Variants in CSNK1D observed in about 807,000 individuals in gnomAD.
CSNK1D encodes the protein casein kinase 1 delta.
In CSNK1D, 16 loss-of-function variants were observed where a neutral mutation model predicts 46.6. That is an observed-to-expected ratio of 0.34 (90% CI 0.23 to 0.52). The LOEUF (loss-of-function observed/expected upper bound fraction) is 0.52. Among genes scored for constraint, CSNK1D ranks in the 20% least tolerant of loss-of-function variants. CSNK1D has a pLI of 0.95. For missense variants in CSNK1D, 398 were observed against 578.4 expected (o/e 0.69, Z 3.20); for synonymous variants, 276 against 228.2 (o/e 1.21, Z -1.89).
At position 82,255,869 on chromosome 17, in the gene CSNK1D, A is replaced by AG. The variant is rs1270550447; in HGVS notation, c.188-293dup. Among the ~76,000 whole-genome samples the AG allele has an allele frequency of 1.3e-5, 2 of 152,210 alleles. No homozygotes were observed. The highest frequency in any genetic ancestry group is 2.9e-5 in the Non-Finnish European group (2 of 68,030). On this transcript the variant is annotated intron_variant, in intron 2 of 8. Coordinates refer to ENST00000314028, the MANE Select transcript of CSNK1D (RefSeq NM_001893.6). This position sits in a 1 kb window ranked among gnomAD's most constrained non-coding sequence, Gnocchi z 5.9. ...CTCCCCGACTCCCGTCTTCTAGGGCAGGGGGGCAGGAGACACAGAAAGCAG... is the reference window on the plus strand; with the variant it reads ...CTCCCCGACTCCCGTCTTCTAGGGCAGGGGGGGCAGGAGACACAGAAAGCAG...
Position 82,251,154 on chromosome 17 carries a change from TC to T in CSNK1D, c.885+224del. ...CCTCCTGCTGTCCACACCCAGGAAT[TC>T]CATGGACCCCTCTGCGTTCCCTAAT... On this transcript the variant is annotated intron_variant, in intron 6 of 8. Coordinates refer to ENST00000314028, the MANE Select transcript of CSNK1D (RefSeq NM_001893.6). This position sits in a 1 kb window ranked among gnomAD's most constrained non-coding sequence, Gnocchi z 4.5. 1.8e-6 allele frequency: 1 copy of T among 549,186 alleles called. No homozygotes were observed. Among genetic ancestry groups the T allele is most frequent in the East Asian group, 3.2e-5 (1 of 30,832 alleles). 34.0% of individuals were successfully genotyped at this position (549,186 alleles called of 1,614,324 possible).
chr17:82,264,657 C>A (rs972828119), intron 2 of CSNK1D, among the ~76,000 whole-genome samples: 2 of 152,104 alleles, frequency 1.3e-5, no homozygotes, highest in East Asian at 3.9e-4. Context: ...GCAAAGCATG[C>A]GAAGGAGCAG....
At chr17:82,271,437 C>T (rs1394934101) in intron 1 of CSNK1D, among the ~76,000 whole-genome samples, 1 of 152,188 alleles carries the variant, frequency 6.6e-6, no homozygotes, top group South Asian at 2.1e-4. Context: ...TAACTCAGAT[C>T]CTGGGGTTAA....
rs201293847 is a variant in CSNK1D, at chr17:82,248,840, G to T, written c.1197+35C>A. 1.4e-5 allele frequency: 22 copies of T among 1,598,338 alleles called. No homozygotes were observed. Among genetic ancestry groups the T allele is most frequent in the Non-Finnish European group, 1.9e-5 (22 of 1,172,140 alleles). On this transcript the variant is annotated intron_variant, in intron 8 of 8. Transcript: ENST00000314028. The surrounding 1 kb of genome is among the most constrained non-coding windows in gnomAD (Gnocchi z 4.1). The stretch of plus-strand genomic sequence containing the variant: ...GCTCTTGACTCGGACGGGGTAGCCC[G>T]AGGCCCAGCGCCCGCCCGGGAGCTC...
At chr17:82,245,831 C>A in intron 8 of CSNK1D, 1 of 851,554 alleles carries the variant, frequency 1.2e-6, no homozygotes, top group Non-Finnish European at 1.9e-6. Context: ...CTGCACCCCA[C>A]AAGAAGAACA....
At position 82,244,315 on chromosome 17, in the gene CSNK1D, T is replaced by C; in HGVS notation, c.*466A>G. 1 of 1,100,680 alleles carries C rather than the reference T, an allele frequency of 9.1e-7. No individual in the cohort carries two copies. Among genetic ancestry groups the C allele is most frequent in the Non-Finnish European group, 1.1e-6 (1 of 896,102 alleles). 68.2% of individuals were successfully genotyped at this position (1,100,680 alleles called of 1,614,324 possible). A position where few individuals can be genotyped will look rare whatever the true frequency, so the allele number is the denominator to read the frequency against. On this transcript the variant is annotated 3_prime_UTR_variant, in exon 9 of 9. Coordinates refer to ENST00000314028, the MANE Select transcript of CSNK1D (RefSeq NM_001893.6). ...GTCTCAGAATTCCTTAGTCAACATT[T>C]TTTTTGTAAGACTGCAAAAACAGAC...
At chr17:82,258,100 G>A (rs953096380) in intron 2 of CSNK1D, among the ~76,000 whole-genome samples, 9 of 151,444 alleles carry the variant, frequency 5.9e-5, no homozygotes, top group South Asian at 2.1e-4. Flanking sequence ...CCAGCTACTC[G>A]GGAGGCTAAG....
chr17:82,269,230 G>T (rs760786547), intron 1 of CSNK1D, among the ~76,000 whole-genome samples: 1 of 151,742 alleles, frequency 6.6e-6, no homozygotes, highest in Non-Finnish European at 1.5e-5. Context: ...GGATTGTCTT[G>T]TCAACAAAAA....
chr17:82,245,433 T>C, intron 8 of CSNK1D: 1 of 203,384 alleles, frequency 4.9e-6, no homozygotes, highest in Non-Finnish European at 1.0e-5. Context: ...AGACCAAGTG[T>C]GAAAAGAAAC....
intron 1 of CSNK1D, among the ~76,000 whole-genome samples, chr17:82,267,452 T>C (rs556675549): frequency 2.6e-5 from 4 of 152,216 alleles, no homozygotes; most frequent in Admixed American, 2.0e-4. Context: ...GATGTGCCAC[T>C]TCCAGCCTGG....
rs1250823836 is a variant in CSNK1D at position 82,255,792 on chromosome 17, G to A, written c.188-215C>T. Among the ~76,000 whole-genome samples, 1 of 152,206 alleles carries A rather than the reference G, an allele frequency of 6.6e-6. No homozygotes were observed. Among genetic ancestry groups the A allele is most frequent in the Non-Finnish European group, 1.5e-5 (1 of 68,030 alleles). The stretch of plus-strand genomic sequence containing the variant: ...TGGCCTGAGGCAGACGTTGGATGAG[G>A]GCCAAGCAGACAGGAGCTGTAAGGG... On this transcript the variant is annotated intron_variant, in intron 2 of 8. Transcript: ENST00000314028. The surrounding 1 kb of genome is among the most constrained non-coding windows in gnomAD (Gnocchi z 5.9).
chr17:82,240,186 T>C, downstream of CSNK1D: 2 of 695,168 alleles, frequency 2.9e-6, no homozygotes, highest in Non-Finnish European at 4.0e-6. Flanking sequence ...CTCAGGGCTG[T>C]GGAGGCCTCT....
chr17:82,249,632 G>A lies in CSNK1D; in HGVS notation c.886-30C>T. ...GGAGGCAGGAGGTGAGGCCGGAATGGAACCAGCTTTGGCAGAAAGCAACCC... is the reference window on the plus strand; with the variant it reads ...GGAGGCAGGAGGTGAGGCCGGAATGAAACCAGCTTTGGCAGAAAGCAACCC... On this transcript the variant is annotated intron_variant, in intron 6 of 8. Coordinates refer to ENST00000314028, the MANE Select transcript of CSNK1D (RefSeq NM_001893.6). This position sits in a 1 kb window ranked among gnomAD's most constrained non-coding sequence, Gnocchi z 6.7. 1 of 1,554,326 alleles carries A rather than the reference G, an allele frequency of 6.4e-7. No homozygotes were observed. The highest frequency in any genetic ancestry group is 1.3e-5 in the African/African-American group (1 of 74,308).
downstream of CSNK1D, among the ~76,000 whole-genome samples, chr17:82,240,693 A>G (rs1451199267): frequency 6.6e-6 from 1 of 152,218 alleles, no homozygotes; most frequent in African/African-American, 2.4e-5. Flanking sequence ...CAAAGTAGCC[A>G]GGCAGTGCTG....
chr17:82,268,025 C>T (rs1184148344), intron 1 of CSNK1D, among the ~76,000 whole-genome samples: 1 of 152,268 alleles, frequency 6.6e-6, no homozygotes, highest in Non-Finnish European at 1.5e-5. Context: ...TATCATGGGG[C>T]CGGGACCTCT....
chr17:82,243,014 AG>A lies in CSNK1D; in HGVS notation c.*1766del, dbSNP rs1157569917. 2.0e-6 allele frequency: 2 copies of A among 985,326 alleles called. No individual in the cohort carries two copies. The highest frequency in any genetic ancestry group is 4.7e-5 in the South Asian group (1 of 21,296). 61.0% of individuals were successfully genotyped at this position (985,326 alleles called of 1,614,324 possible). On this transcript the variant is annotated 3_prime_UTR_variant, in exon 9 of 9. Coordinates refer to ENST00000314028, the MANE Select transcript of CSNK1D (RefSeq NM_001893.6). ...GGGTGGGGGACGTCTACCTTCAAGA[AG>A]GGGTCCAGCAACAAAGAAAATCTCT...
rs1462205660 is a variant in CSNK1D at position 82,273,154 on chromosome 17, T to C, written c.76+152A>G. 2 of 526,816 alleles carry C rather than the reference T, an allele frequency of 3.8e-6. No homozygotes were observed. The highest frequency in any genetic ancestry group is 4.3e-5 in the African/African-American group (2 of 46,594). The allele number at this position is 526,816 out of a possible 1,614,324, so 32.6% of individuals were successfully genotyped here. On this transcript the variant is annotated intron_variant, in intron 1 of 8. Transcript: ENST00000314028. This position sits in a 1 kb window ranked among gnomAD's most constrained non-coding sequence, Gnocchi z 5.1. ...CTCCCCACCCCTGGCCGCGCTAGCC[T>C]AGTGGCCGTTGGGTTCTGGCCACGA...
chr17:82,258,931 C>T (rs1036717516), intron 2 of CSNK1D, among the ~76,000 whole-genome samples: 1 of 152,228 alleles, frequency 6.6e-6, no homozygotes, highest in African/African-American at 2.4e-5. Context: ...GTTTGCAGGG[C>T]AAATGGCCCT....
intron 1 of CSNK1D, among the ~76,000 whole-genome samples, chr17:82,267,598 T>C (rs948042719): frequency 6.6e-6 from 1 of 152,228 alleles, no homozygotes; most frequent in Non-Finnish European, 1.5e-5. Flanking sequence ...ACAAATTTTG[T>C]TCTTCCTGCC....
Sources: gnomAD v4.1 joint callset for allele counts (sites outside exome capture counted in the v4.1 genomes callset) on GRCh38, gnomAD v4.1.1 for gene constraint, Gnocchi (gnomAD v3.1) non-coding constraint, MANE v1.5 for transcripts, NCBI Gene and HGNC (gene_info 2026-07-23, HGNC 2026-07-21) for gene names.